PRR16: variants seen among roughly 807,000 people sequenced by gnomAD.
PRR16 encodes proline rich 16.
A neutral mutation model predicts 18.2 loss-of-function variants in PRR16; 6 were observed. That is an observed-to-expected ratio of 0.33 (90% CI 0.18 to 0.65). The LOEUF (loss-of-function observed/expected upper bound fraction) is 0.65, where lower values mean the gene tolerates loss of function less well. PRR16 is among the 30% of genes least tolerant of loss of function. The pLI is 0.74. For missense variants in PRR16, 412 were observed against 376.6 expected, an observed-to-expected ratio of 1.09 and a Z score of -0.78; for synonymous variants, 151 against 147.8, an observed-to-expected ratio of 1.02 and a Z score of -0.16.
chr5:120,771,085 C>A, the PRR16 span, among the ~76,000 whole-genome samples: 2 of 151,810 alleles, frequency 1.3e-5, no homozygotes, highest in Non-Finnish European at 2.9e-5. Context: ...TTGTATTGTT[C>A]ATGGTTCAAA....
intron 1 of PRR16, among the ~76,000 whole-genome samples, chr5:120,585,616 T>TA (rs754413694): frequency 0.059 from 7,957 of 135,690 alleles, 572 homozygotes; most frequent in African/African-American, 0.17. Context: ...AGACTTGGTC[T>TA]AAAAAAAAAA....
chr5:120,559,358 A>G (rs1211356302), intron 1 of PRR16, among the ~76,000 whole-genome samples: 1 of 151,672 alleles, frequency 6.6e-6, no homozygotes, highest in Admixed American at 6.6e-5. Flanking sequence ...TCATTCATTC[A>G]GCATATAGAT....
chr5:120,672,228 G>C (rs917229205), intron 1 of PRR16, among the ~76,000 whole-genome samples: 2 of 143,604 alleles, frequency 1.4e-5, no homozygotes, highest in African/African-American at 5.3e-5. Context: ...TTGAAGGGCA[G>C]GTGAGGGGTC....
At chr5:120,519,653 A>G (rs983968189) in intron 1 of PRR16, among the ~76,000 whole-genome samples, 24 of 152,130 alleles carry the variant, frequency 1.6e-4, no homozygotes, top group Non-Finnish European at 2.9e-4. Flanking sequence ...ATTTTCATTT[A>G]TAAACTTAAA....
In PRR16 at chr5:120,464,314, C is replaced by A. The variant is rs539663256; in HGVS notation, c.-173C>A. 14 of 587,744 alleles carry A rather than the reference C, an allele frequency of 2.4e-5. No individual in the cohort carries two copies. The highest frequency in any genetic ancestry group is 5.9e-5 in the African/African-American group (3 of 50,424). The allele number at this position is 587,744 out of a possible 1,614,324, so 36.4% of individuals were successfully genotyped here. ...CGCGTCTCGGGAGTTGATGGCAGCACCACTGTGCGGCCGCCCGGCCGAGCG... is the reference window on the plus strand; with the variant it reads ...CGCGTCTCGGGAGTTGATGGCAGCAACACTGTGCGGCCGCCCGGCCGAGCG... On this transcript the variant is annotated 5_prime_UTR_variant, in exon 1 of 2. Transcript: ENST00000407149.
At chr5:120,765,749 A>G in the PRR16 span, among the ~76,000 whole-genome samples, 1 of 152,086 alleles carries the variant, frequency 6.6e-6, no homozygotes, top group African/African-American at 2.4e-5. Context: ...CAACATTTCC[A>G]AAGCCCCCAT....
the PRR16 span, among the ~76,000 whole-genome samples, chr5:120,777,201 G>A: frequency 6.6e-6 from 1 of 151,872 alleles, no homozygotes; most frequent in Non-Finnish European, 1.5e-5. Flanking sequence ...TAACTTTAAG[G>A]CAATGAAAAT....
chr5:120,699,440 G>A, the PRR16 span, among the ~76,000 whole-genome samples: 1 of 152,158 alleles, frequency 6.6e-6, no homozygotes, highest in East Asian at 1.9e-4. Context: ...TGGGGGTCAG[G>A]TGTGGTATCA....
the PRR16 span, among the ~76,000 whole-genome samples, chr5:120,751,954 C>CAAAG: frequency 6.6e-6 from 1 of 151,966 alleles, no homozygotes; most frequent in African/African-American, 2.4e-5. Context: ...TTAGATAGTT[C>CAAAG]AAAGATTTCC....
At chr5:120,488,042 T>C (rs898714484) in intron 1 of PRR16, among the ~76,000 whole-genome samples, 12 of 152,202 alleles carry the variant, frequency 7.9e-5, no homozygotes, top group African/African-American at 2.7e-4. Context: ...CTACTGTATT[T>C]GGTTTGCCAG....
rs1173045869 is a variant in PRR16 at position 120,500,766 on chromosome 5, A to G, written c.159+36121A>G. On this transcript the variant is annotated intron_variant, in intron 1 of 1. Transcript: ENST00000407149. ...CCAAACTTTCAAATTTTACTAAAGG[A>G]CATAACATGTTTTATTTTCTGTTAT... Among the ~76,000 whole-genome samples, 3 of 152,200 alleles carry G rather than the reference A, an allele frequency of 2.0e-5. No individual in the cohort carries two copies. The East Asian group carries it at 5.8e-4, about 29-fold the overall frequency.
chr5:120,771,842 TTTATA>T, the PRR16 span, among the ~76,000 whole-genome samples: 1 of 152,014 alleles, frequency 6.6e-6, no homozygotes, highest in African/African-American at 2.4e-5. Context: ...GAAACACGAC[TTTATA>T]TTATATGAAT....
At chr5:120,519,759 A>G (rs2112649804) in intron 1 of PRR16, among the ~76,000 whole-genome samples, 1 of 152,240 alleles carries the variant, frequency 6.6e-6, no homozygotes, top group Non-Finnish European at 1.5e-5. Context: ...AAATTAAGAG[A>G]AAAGAAAAAA....
the PRR16 span, among the ~76,000 whole-genome samples, chr5:120,756,745 G>A: frequency 6.6e-6 from 1 of 152,020 alleles, no homozygotes; most frequent in Non-Finnish European, 1.5e-5. Context: ...TGTATAGGTT[G>A]TGTGTTGACT....
the PRR16 span, among the ~76,000 whole-genome samples, chr5:120,788,762 A>G: frequency 6.6e-6 from 1 of 152,040 alleles, no homozygotes; most frequent in Non-Finnish European, 1.5e-5. Context: ...TTTAGTAATG[A>G]CTCAGAGTAA....
chr5:120,765,024 C>A, the PRR16 span, among the ~76,000 whole-genome samples: 1 of 151,960 alleles, frequency 6.6e-6, no homozygotes, highest in Non-Finnish European at 1.5e-5. Flanking sequence ...TATTCTTCAC[C>A]CTTTCCCAAG....
intron 1 of PRR16, among the ~76,000 whole-genome samples, chr5:120,649,550 AG>A (rs1476808112): frequency 2.0e-5 from 3 of 152,192 alleles, no homozygotes; most frequent in African/African-American, 7.2e-5. Context: ...TTAAGCATAA[AG>A]TAAACAGATG....
chr5:120,743,521 T>C, the PRR16 span, among the ~76,000 whole-genome samples: 3 of 151,972 alleles, frequency 2.0e-5, no homozygotes, highest in Admixed American at 2.0e-4. Flanking sequence ...AATATTGTAG[T>C]GAACTGTCTG....
chr5:120,734,336 T>C, the PRR16 span, among the ~76,000 whole-genome samples: 4 of 151,916 alleles, frequency 2.6e-5, no homozygotes, highest in Non-Finnish European at 5.9e-5. Context: ...TCTCTCTCTC[T>C]CTGTGTGTGT....
Sources: allele counts gnomAD v4.1 joint callset (sites outside exome capture counted in the v4.1 genomes callset), GRCh38; gene constraint gnomAD v4.1.1; transcripts MANE v1.5; gene names NCBI Gene and HGNC (gene_info 2026-07-23, HGNC 2026-07-21).